The following SESTD1 variants were observed in gnomAD, a reference collection of about 807,000 sequenced individuals.
SESTD1 encodes the protein SEC14 and spectrin domain containing 1.
SESTD1 carries 43 observed loss-of-function variants against 101.7 expected under a neutral mutation model. That is an observed-to-expected ratio of 0.42 (90% CI 0.33 to 0.55). SESTD1 has a LOEUF of 0.55. Ranked by LOEUF, SESTD1 falls within the 20% of genes least tolerant of loss-of-function variation. SESTD1 has a pLI of 0.07. For synonymous variants in SESTD1, 283 were observed against 286.8 expected, an observed-to-expected ratio of 0.99 and a Z score of 0.13; for missense variants, 647 against 815.1, an observed-to-expected ratio of 0.79 and a Z score of 2.51.
At chr2:179,119,048 T>C (rs1383406411) in intron 13 of SESTD1, among the ~76,000 whole-genome samples, 2 of 152,192 alleles carry the variant, frequency 1.3e-5, no homozygotes, top group Non-Finnish European at 2.9e-5. Flanking sequence ...TATGGGAATG[T>C]TATAGAAGAT....
chr2:179,161,314 A>T (rs2045732407), intron 5 of SESTD1, among the ~76,000 whole-genome samples: 1 of 152,160 alleles, frequency 6.6e-6, no homozygotes, highest in Non-Finnish European at 1.5e-5. Context: ...GTTAATTTAG[A>T]AACAGTTATG....
At chr2:179,121,976 T>G in intron 12 of SESTD1, 47 bp from the exon 13 acceptor site, 1 of 1,533,858 alleles carries the variant, frequency 6.5e-7, no homozygotes, top group Non-Finnish European at 8.8e-7. Flanking sequence ...ACTAAGGCGC[T>G]TTCCCTCCCT....
chr2:179,216,970 AT>A (rs2046730555), intron 1 of SESTD1, among the ~76,000 whole-genome samples: 1 of 151,234 alleles, frequency 6.6e-6, no homozygotes, highest in African/African-American at 2.4e-5. Flanking sequence ...TAAACCTTAT[AT>A]AAAAATTAAT....
At chr2:179,170,282 G>A in intron 5 of SESTD1, among the ~76,000 whole-genome samples, 1 of 150,424 alleles carries the variant, frequency 6.6e-6, no homozygotes, top group Non-Finnish European at 1.5e-5. Flanking sequence ...TTAAGAGAAT[G>A]ACAAGGCAAA....
intron 5 of SESTD1, among the ~76,000 whole-genome samples, chr2:179,156,725 T>G (rs1173643655): frequency 6.6e-6 from 1 of 152,188 alleles, no homozygotes; most frequent in Non-Finnish European, 1.5e-5. Flanking sequence ...CATATTGTCC[T>G]TTATCAGATG....
chr2:179,159,111 A>G lies in SESTD1; in HGVS notation c.370-7720T>C, dbSNP rs1257840014. On this transcript the variant is annotated intron_variant, in intron 5 of 17. Coordinates refer to ENST00000428443, the MANE Select transcript of SESTD1 (RefSeq NM_178123.5). ...GAAAAGACATTTAAGAGTGTGCAAT[A>G]GTAGGAAACATCTTATTCTATGCAT... 2.0e-5 allele frequency among the ~76,000 whole-genome samples: 3 copies of G among 152,234 alleles called. No homozygotes were observed. In the East Asian group the frequency reaches 5.8e-4, roughly 29 times the overall value.
chr2:179,258,546 A>G (rs1343621143), intron 1 of SESTD1, among the ~76,000 whole-genome samples: 1 of 152,256 alleles, frequency 6.6e-6, no homozygotes, highest in Non-Finnish European at 1.5e-5. Context: ...CATTTTCTAA[A>G]TGATTCTGCA....
At chr2:179,150,241 C>A (rs144759204) in intron 6 of SESTD1, among the ~76,000 whole-genome samples, 190 of 151,950 alleles carry the variant, frequency 1.3e-3, no homozygotes, top group African/African-American at 4.4e-3. Context: ...TGGGTGGAAA[C>A]AGAATTAGTT....
At chr2:179,239,056 A>G (rs1303744964) in intron 1 of SESTD1, among the ~76,000 whole-genome samples, 2 of 152,306 alleles carry the variant, frequency 1.3e-5, no homozygotes, top group East Asian at 1.9e-4. Flanking sequence ...CTGTAGCAGT[A>G]AATTATTTAT....
intron 4 of SESTD1, among the ~76,000 whole-genome samples, chr2:179,175,217 A>C (rs1382086147): frequency 2.6e-5 from 4 of 152,184 alleles, no homozygotes. Context: ...TTTATATAGC[A>C]AGCTTAGCAC....
intron 5 of SESTD1, among the ~76,000 whole-genome samples, chr2:179,165,315 T>C (rs1206045294): frequency 2.6e-5 from 4 of 152,232 alleles, no homozygotes; most frequent in Admixed American, 6.5e-5. Flanking sequence ...ACAGAAATTC[T>C]GTCTTCTATT....
At chr2:179,132,187 A>C in intron 10 of SESTD1, 117 bp downstream of exon 10, 1 of 1,221,108 alleles carries the variant, frequency 8.2e-7, no homozygotes, top group Non-Finnish European at 1.1e-6. Context: ...CACTTAACAA[A>C]CTGTACTTCA....
chr2:179,256,270 G>A (rs1024530203), intron 1 of SESTD1, among the ~76,000 whole-genome samples: 2 of 152,148 alleles, frequency 1.3e-5, no homozygotes, highest in Non-Finnish European at 2.9e-5. Flanking sequence ...AGTAAATTGA[G>A]AACATTCTAG....
chr2:179,246,269 A>AAG (rs1222918968), intron 1 of SESTD1, among the ~76,000 whole-genome samples: 5 of 151,784 alleles, frequency 3.3e-5, no homozygotes, highest in African/African-American at 1.2e-4. Context: ...AAAAAAAAAA[A>AAG]AAAAAAAAAT....
chr2:179,144,296 T>C (rs1460682296), intron 8 of SESTD1, among the ~76,000 whole-genome samples: 1 of 151,642 alleles, frequency 6.6e-6, no homozygotes, highest in South Asian at 2.1e-4. Flanking sequence ...AATCACAGCA[T>C]TTAAAAAAAA....
At chr2:179,161,210 T>C (rs922412409) in intron 5 of SESTD1, among the ~76,000 whole-genome samples, 2 of 151,800 alleles carry the variant, frequency 1.3e-5, no homozygotes, top group Non-Finnish European at 2.9e-5. Context: ...GTGTGGGCCA[T>C]TGCTCCTGGC....
At chr2:179,135,935 T>C (rs1241793240) in intron 9 of SESTD1, among the ~76,000 whole-genome samples, 2 of 152,240 alleles carry the variant, frequency 1.3e-5, no homozygotes, top group East Asian at 1.9e-4. Flanking sequence ...GCAATGGTTT[T>C]TTCCTCAACA....
chr2:179,165,620 T>C (rs1457691515), intron 5 of SESTD1, among the ~76,000 whole-genome samples: 3 of 152,220 alleles, frequency 2.0e-5, no homozygotes, highest in African/African-American at 7.2e-5. Flanking sequence ...TGAAGCAACA[T>C]TCAGACCTCC....
At chr2:179,221,628 A>T (rs1487699791) in intron 1 of SESTD1, among the ~76,000 whole-genome samples, 1 of 151,564 alleles carries the variant, frequency 6.6e-6, no homozygotes, top group African/African-American at 2.4e-5. Flanking sequence ...GAAAAAAAAA[A>T]AAAAATGCCC....
Sources: allele counts gnomAD v4.1 joint callset (sites outside exome capture counted in the v4.1 genomes callset), GRCh38; gene constraint gnomAD v4.1.1; transcripts MANE v1.5; gene names NCBI Gene and HGNC (gene_info 2026-07-23, HGNC 2026-07-21).